Variants in FHOD3 observed in about 807,000 individuals in gnomAD.
The protein encoded by FHOD3 is FH1/FH2 domain-containing protein 3.
A neutral mutation model predicts 173.0 loss-of-function variants in FHOD3; 90 were observed. That is an observed-to-expected ratio of 0.52 (90% CI 0.44 to 0.62). The LOEUF (loss-of-function observed/expected upper bound fraction) is 0.62. FHOD3 is among the 20% of genes least tolerant of loss of function. The pLI is 0.00. For synonymous variants in FHOD3, 828 were observed against 823.0 expected (o/e 1.01, Z -0.10); for missense variants, 1,945 against 2,034.7 (o/e 0.96, Z 0.85).
At position 36,695,193 on chromosome 18, in the gene FHOD3, T is replaced by C. The variant is rs566411909; in HGVS notation, c.2236+1770T>C. Among the ~76,000 whole-genome samples, 640 of 146,736 alleles carry C rather than the reference T, an allele frequency of 4.4e-3. 2 individuals carry two copies. The highest frequency in any genetic ancestry group is 0.016 in the African/African-American group (625 of 39,886). On this transcript the variant is annotated intron_variant, in intron 17 of 28. Transcript: ENST00000590592. Reference sequence around the variant, plus strand: ...ACCGGTCTCTGCTAAAAAAAAAAAATACAAAAAAATTAGCCGGGCGTGGTG... The same window carrying C: ...ACCGGTCTCTGCTAAAAAAAAAAAACACAAAAAAATTAGCCGGGCGTGGTG...
At chr18:36,619,196 C>A (rs1377366834) in intron 9 of FHOD3, among the ~76,000 whole-genome samples, 2 of 152,150 alleles carry the variant, frequency 1.3e-5, no homozygotes, top group African/African-American at 2.4e-5. Flanking sequence ...GTACCTGCCC[C>A]CAAAGAACCT....
chr18:36,337,435 T>A (rs1026031977), intron 1 of FHOD3, among the ~76,000 whole-genome samples: 2 of 152,144 alleles, frequency 1.3e-5, no homozygotes, highest in Non-Finnish European at 2.9e-5. Flanking sequence ...AAACACAAAC[T>A]GAAGATGACA....
intron 28 of FHOD3, 48 bp downstream of exon 28, chr18:36,769,474 C>T: frequency 6.3e-7 from 1 of 1,583,888 alleles, no homozygotes; most frequent in Non-Finnish European, 8.6e-7. Flanking sequence ...CAGGGATCTG[C>T]CCTCCCATTC....
At chr18:36,362,335 G>T (rs913588015) in intron 2 of FHOD3, among the ~76,000 whole-genome samples, 1 of 152,210 alleles carries the variant, frequency 6.6e-6, no homozygotes, top group African/African-American at 2.4e-5. Flanking sequence ...GTGCCAGCTC[G>T]TGTAGAGGGA....
rs182609691 is a variant in FHOD3 at position 36,514,421 on chromosome 18, T to A, written c.511+1878T>A. ...GTGCAGGCCTGGATTCTCACTCTTG[T>A]GTGTCTGTTCACTTTGGTCTAACAC... On this transcript the variant is annotated intron_variant, in intron 5 of 28. Transcript: ENST00000590592. 3.3e-4 allele frequency among the ~76,000 whole-genome samples: 51 copies of A among 152,312 alleles called. 1 individual carries two copies. The highest frequency in any genetic ancestry group is 3.3e-3 in the Admixed American group (50 of 15,298).
chr18:36,743,274 A>G (rs1276234679), intron 22 of FHOD3, among the ~76,000 whole-genome samples: 2 of 132,958 alleles, frequency 1.5e-5, no homozygotes, highest in African/African-American at 2.8e-5. Context: ...TCACCACTGC[A>G]CTCCAGCCTG....
chr18:36,655,442 T>A (rs1357400960), intron 13 of FHOD3, among the ~76,000 whole-genome samples: 2 of 151,972 alleles, frequency 1.3e-5, no homozygotes, highest in Non-Finnish European at 2.9e-5. Context: ...GTGGGAGCAA[T>A]AGAAACACAT....
At chr18:36,439,553 G>GTT (rs2051013177) in intron 3 of FHOD3, among the ~76,000 whole-genome samples, 1 of 151,114 alleles carries the variant, frequency 6.6e-6, no homozygotes, top group African/African-American at 2.4e-5. Flanking sequence ...GTGTGTGTGT[G>GTT]TGTGTGTGTG....
rs529974673 is a variant in FHOD3 at position 36,718,158 on chromosome 18, A to G, written c.2860A>G (p.Ile954Val). 48 of 1,610,576 alleles carry G rather than the reference A, an allele frequency of 3.0e-5. No individual in the cohort carries two copies. In the Admixed American group the frequency reaches 3.7e-4, roughly 12 times the overall value. The change falls in exon 19 of 29, where the codon ATC becomes GTC. Residue 954 changes from isoleucine (I) to valine (V), a missense_variant. By Grantham distance (29) the Ile-to-Val change is conservative. Transcript: ENST00000590592. ...CAGTGGGGACCTGGGGAGAGGTTCC[A>G]TCTCCCCTGATGCTGAGCCCAATGA... is the stretch of plus-strand genomic sequence containing the variant. ...FNSGDLGRGS[I>V]SPDAEPNDKV...
chr18:36,717,963 G>A lies in FHOD3; in HGVS notation c.2665G>A (p.Asp889Asn). Residue 889 changes from aspartate (D) to asparagine (N), a missense_variant, in exon 19 of 29, where the codon GAT becomes AAT. Coordinates refer to ENST00000590592, the MANE Select transcript of FHOD3 (RefSeq NM_001281740.3). ...GTCTCCGGATGATGAGGAGAAGGGG[G>A]ATGGGGAGGCTGGGAGGACCCAGCA... is the stretch of plus-strand genomic sequence containing the variant. ...RKSPDDEEKG[D>N]GEAGRTQQEA... The A allele has an allele frequency of 6.2e-7, 1 of 1,614,036 alleles. No homozygotes were observed. The highest frequency in any genetic ancestry group is 8.5e-7 in the Non-Finnish European group (1 of 1,179,968).
At position 36,652,837 on chromosome 18, in the gene FHOD3, G is replaced by A; in HGVS notation, c.1554G>A (p.Val518=). The change falls in exon 12 of 29, where the codon GTG becomes GTA. Residue 518 remains valine, a synonymous_variant. Coordinates refer to ENST00000590592, the MANE Select transcript of FHOD3 (RefSeq NM_001281740.3). ...CGACCATAGACAAGCTGCCCTACGT[G>A]CCCCACAGCCCCTTCCACCTCTTCT... The part of the protein sequence containing the change: ...VSPTIDKLPY[V]PHSPFHLFSY... The A allele has an allele frequency of 2.0e-6, 3 of 1,535,930 alleles. No homozygotes were observed. Among genetic ancestry groups the A allele is most frequent in the Non-Finnish European group, 2.6e-6 (3 of 1,146,728 alleles).
chr18:36,463,599 A>C (rs1261841720), intron 3 of FHOD3, among the ~76,000 whole-genome samples: 1 of 151,926 alleles, frequency 6.6e-6, no homozygotes, highest in Non-Finnish European at 1.5e-5. Flanking sequence ...CCCTGCCTCA[A>C]GCAATCATCC....
intron 19 of FHOD3, among the ~76,000 whole-genome samples, chr18:36,720,528 G>A (rs1382234475): frequency 1.3e-5 from 2 of 151,982 alleles, no homozygotes; most frequent in East Asian, 3.9e-4. Flanking sequence ...GTGAGCCACT[G>A]CGCCTGGCCT....
chr18:36,449,400 A>G (rs1463969872), intron 3 of FHOD3, among the ~76,000 whole-genome samples: 4 of 152,212 alleles, frequency 2.6e-5, no homozygotes, highest in African/African-American at 4.8e-5. Flanking sequence ...TCCATGCTGC[A>G]TATGCCCTTG....
chr18:36,654,259 A>T (rs2036260013), intron 13 of FHOD3, among the ~76,000 whole-genome samples: 1 of 152,188 alleles, frequency 6.6e-6, no homozygotes, highest in Non-Finnish European at 1.5e-5. Context: ...ATACCATGAA[A>T]ATGACCAGTC....
chr18:36,682,899 A>G (rs2038350038), intron 15 of FHOD3, among the ~76,000 whole-genome samples: 1 of 152,218 alleles, frequency 6.6e-6, no homozygotes, highest in East Asian at 1.9e-4. Context: ...GCTTTTCTGA[A>G]GCCAAGAAGT....
chr18:36,335,858 A>C (rs1381871818), intron 1 of FHOD3, among the ~76,000 whole-genome samples: 1 of 152,204 alleles, frequency 6.6e-6, no homozygotes, highest in African/African-American at 2.4e-5. Context: ...AGAGGAACTA[A>C]AGCCTGAATG....
chr18:36,553,713 A>T (rs1013355462), intron 5 of FHOD3, among the ~76,000 whole-genome samples: 15 of 152,202 alleles, frequency 9.9e-5, no homozygotes, highest in Non-Finnish European at 1.8e-4. Context: ...ACAGAATGGG[A>T]GAAAATTTTT....
intron 17 of FHOD3, among the ~76,000 whole-genome samples, chr18:36,706,632 G>A (rs150957968): frequency 1.6e-4 from 24 of 152,300 alleles, no homozygotes; most frequent in African/African-American, 3.4e-4. Context: ...GTGCACACCC[G>A]CAGGCTGAAG....
Sources: gnomAD v4.1 joint callset for allele counts (sites outside exome capture counted in the v4.1 genomes callset) on GRCh38, gnomAD v4.1.1 for gene constraint, MANE v1.5 for transcripts, NCBI Gene and HGNC (gene_info 2026-07-23, HGNC 2026-07-21) for gene names.